The following FHIT variants were observed in gnomAD, a reference collection of about 807,000 sequenced individuals.
The protein encoded by FHIT is bis(5'-adenosyl)-triphosphatase.
FHIT carries 19 observed loss-of-function variants against 17.9 expected under a neutral mutation model. The ratio of observed to expected loss-of-function variants is 1.06; its 90% CI spans 0.74 to 1.56. FHIT has a LOEUF of 1.56. Ranked by LOEUF, FHIT falls within the 40% of genes most tolerant of loss-of-function variation. The pLI, the probability that FHIT is intolerant of heterozygous loss-of-function variation, is 0.00. For missense variants in FHIT, 248 were observed against 189.2 expected (o/e 1.31, Z -1.82); for synonymous variants, 81 against 69.7 (o/e 1.16, Z -0.81).
intron 8 of FHIT, among the ~76,000 whole-genome samples, chr3:59,794,214 T>G (rs1699686203): frequency 6.6e-6 from 1 of 152,214 alleles, no homozygotes; most frequent in Non-Finnish European, 1.5e-5. Flanking sequence ...AGAACTTGAC[T>G]TAAACGAAAC....
At chr3:61,130,952 TAATA>T (rs2036747080) in intron 2 of FHIT, among the ~76,000 whole-genome samples, 2 of 152,200 alleles carry the variant, frequency 1.3e-5, no homozygotes, top group Admixed American at 6.5e-5. Context: ...TCAAATGAGA[TAATA>T]TATTTGAAAG....
At chr3:61,240,328 C>G (rs995679725) in intron 1 of FHIT, among the ~76,000 whole-genome samples, 3 of 152,158 alleles carry the variant, frequency 2.0e-5, no homozygotes, top group Non-Finnish European at 4.4e-5. Flanking sequence ...GTGTACAGCC[C>G]TGCAAGCTTT....
At chr3:60,140,211 T>C (rs1699981768) in intron 5 of FHIT, among the ~76,000 whole-genome samples, 1 of 152,192 alleles carries the variant, frequency 6.6e-6, no homozygotes, top group African/African-American at 2.4e-5. Context: ...TTATGTACAG[T>C]AGTAGACAAA....
At chr3:60,755,857 T>C (rs1434163832) in intron 4 of FHIT, among the ~76,000 whole-genome samples, 5 of 152,192 alleles carry the variant, frequency 3.3e-5, no homozygotes, top group Non-Finnish European at 7.3e-5. Context: ...GAGTGCTAAG[T>C]ACACAGGTTT....
chr3:59,880,844 A>G (rs973228422), intron 8 of FHIT, among the ~76,000 whole-genome samples: 1 of 152,156 alleles, frequency 6.6e-6, no homozygotes, highest in African/African-American at 2.4e-5. Flanking sequence ...TTTTACCATT[A>G]GCCAAAACAG....
At chr3:61,199,850 G>A (rs1416524940) in intron 2 of FHIT, among the ~76,000 whole-genome samples, 1 of 152,158 alleles carries the variant, frequency 6.6e-6, no homozygotes, top group African/African-American at 2.4e-5. Context: ...GACTCTTGAT[G>A]AAACCGCAGC....
chr3:60,577,242 C>T (rs2037600919), intron 4 of FHIT, among the ~76,000 whole-genome samples: 1 of 152,078 alleles, frequency 6.6e-6, no homozygotes, highest in Non-Finnish European at 1.5e-5. Context: ...TCTCACATAC[C>T]AAATTCTGAA....
intron 2 of FHIT, chr3:61,166,881 A>T (rs964255573): frequency 3.9e-5 from 6 of 152,154 alleles, no homozygotes; most frequent in Non-Finnish European, 8.8e-5. Flanking sequence ...GTCTGGCAAT[A>T]AAAAAATCAA....
intron 3 of FHIT, among the ~76,000 whole-genome samples, chr3:60,844,296 T>C (rs1328339492): frequency 3.3e-5 from 5 of 152,060 alleles, no homozygotes; most frequent in African/African-American, 7.2e-5. Flanking sequence ...ATAAATCATG[T>C]ATATCAACAA....
chr3:59,878,825 G>A (rs1312211015), intron 8 of FHIT, among the ~76,000 whole-genome samples: 1 of 152,126 alleles, frequency 6.6e-6, no homozygotes, highest in East Asian at 1.9e-4. Flanking sequence ...AAATGTAGAA[G>A]GAGGAAACAC....
chr3:60,449,965 T>G (rs2031612748), intron 5 of FHIT, among the ~76,000 whole-genome samples: 1 of 130,940 alleles, frequency 7.6e-6, no homozygotes, highest in South Asian at 2.4e-4. Context: ...ATCGGGGCAC[T>G]GCACTCCAGC....
intron 5 of FHIT, among the ~76,000 whole-genome samples, chr3:60,258,310 C>T (rs1302092997): frequency 6.6e-6 from 1 of 152,068 alleles, no homozygotes. Context: ...AATCTTCAAT[C>T]CTTTCTGTAA....
intron 3 of FHIT, among the ~76,000 whole-genome samples, chr3:60,849,303 T>C (rs1553747553): frequency 6.6e-6 from 1 of 151,800 alleles, no homozygotes; most frequent in Non-Finnish European, 1.5e-5. Context: ...TGTACCAACG[T>C]AGATGTGTGA....
rs559281563 is a variant in FHIT at position 59,979,470 on chromosome 3, G to T, written c.279+31901C>A. Among the ~76,000 whole-genome samples, 7 of 152,076 alleles carry T rather than the reference G, an allele frequency of 4.6e-5. No individual in the cohort carries two copies. The South Asian group carries it at 1.5e-3, about 32-fold the overall frequency. ...CTTATAAAAATTACTTGACAGACTT[G>T]GGAGAGGAAAGCATTTTGCAAAACA... On this transcript the variant is annotated intron_variant, in intron 7 of 9. Transcript: ENST00000492590.
rs184826174 is a variant in FHIT, at chr3:60,698,789, A to C, written c.-18+123130T>G. Among the ~76,000 whole-genome samples, 53 of 152,264 alleles carry C rather than the reference A, an allele frequency of 3.5e-4. No individual in the cohort carries two copies. The East Asian group carries it at 7.3e-3, about 21-fold the overall frequency. On this transcript the variant is annotated intron_variant, in intron 4 of 9. Transcript: ENST00000492590. Reference sequence around the variant, plus strand: ...TGGTCCTTTGTGTGCTTTTTTAAAAATTAGGATTTTGGACAAACTTTCATG... The same window carrying C: ...TGGTCCTTTGTGTGCTTTTTTAAAACTTAGGATTTTGGACAAACTTTCATG...
intron 5 of FHIT, among the ~76,000 whole-genome samples, chr3:60,020,904 C>T (rs2106733035): frequency 6.6e-6 from 1 of 152,240 alleles, no homozygotes; most frequent in South Asian, 2.1e-4. Context: ...ATCAGAAAGG[C>T]AGAAATATCA....
chr3:60,773,518 C>T (rs1553723713), intron 4 of FHIT, among the ~76,000 whole-genome samples: 1 of 152,194 alleles, frequency 6.6e-6, no homozygotes, highest in South Asian at 2.1e-4. Context: ...TGAGCCATTA[C>T]AGAATTTCTG....
At chr3:60,390,331 T>C (rs1701169745) in intron 5 of FHIT, among the ~76,000 whole-genome samples, 1 of 148,260 alleles carries the variant, frequency 6.7e-6, no homozygotes, top group South Asian at 2.1e-4. Flanking sequence ...AGTCATGTAC[T>C]GTATAACATT....
rs149636238 is a variant in FHIT, at chr3:60,161,214, T to C, written c.104-147062A>G. The stretch of plus-strand genomic sequence containing the variant: ...AGGCTATTAAAAGGTGGCAAATCGG[T>C]AGCATTGCCAACTGCGTTGTCCCTA... On this transcript the variant is annotated intron_variant, in intron 5 of 9. Transcript: ENST00000492590. Among the ~76,000 whole-genome samples, 727 of 152,362 alleles carry C rather than the reference T, an allele frequency of 4.8e-3. 11 individuals carry two copies. Among genetic ancestry groups the C allele is most frequent in the Admixed American group, 0.033 (510 of 15,306 alleles).
Sources: gnomAD v4.1 joint callset for allele counts (sites outside exome capture counted in the v4.1 genomes callset) on GRCh38, gnomAD v4.1.1 for gene constraint, MANE v1.5 for transcripts, NCBI Gene and HGNC (gene_info 2026-07-23, HGNC 2026-07-21) for gene names.